Variants in GOLM1 observed in about 807,000 individuals in gnomAD.
GOLM1 encodes golgi membrane protein 1, also known as epididymis luminal protein 46.
GOLM1 carries 31 observed loss-of-function variants against 50.5 expected under a neutral mutation model. The ratio of observed to expected loss-of-function variants is 0.61; its 90% CI spans 0.46 to 0.83. The LOEUF (loss-of-function observed/expected upper bound fraction) is 0.83, where lower values mean the gene tolerates loss of function less well. Ranked by LOEUF, GOLM1 falls within the 40% of genes least tolerant of loss-of-function variation. The probability of loss-of-function intolerance (pLI) is 0.00; values close to 1 mark genes in which losing one functional copy is unlikely to be tolerated. For synonymous variants in GOLM1, 178 were observed against 192.8 expected (o/e 0.92, Z 0.64); for missense variants, 491 against 501.3 (o/e 0.98, Z 0.20).
chr9:86,056,265 C>A lies in GOLM1; in HGVS notation c.310-3674G>T, dbSNP rs73478715. Among the ~76,000 whole-genome samples, 1,034 of 152,164 alleles carry A rather than the reference C, an allele frequency of 6.8e-3. 12 individuals carry two copies. The highest frequency in any genetic ancestry group is 0.024 in the African/African-American group (995 of 41,532). ...TTCCAAAAAAATATATTTTTGTTAT[C>A]TTCCCCTATCTACTTACTTATGCAT... On this transcript the variant is annotated intron_variant, in intron 3 of 9. Transcript: ENST00000388712.
chr9:86,050,572 C>T (rs11141193), intron 4 of GOLM1, among the ~76,000 whole-genome samples: 25,862 of 152,038 alleles, frequency 0.17, 2,657 homozygotes, highest in African/African-American at 0.3. Flanking sequence ...GATTCAACTT[C>T]TTCCTGGTTT....
intron 6 of GOLM1, among the ~76,000 whole-genome samples, chr9:86,037,455 A>AG (rs1564341613): frequency 6.6e-6 from 1 of 151,912 alleles, no homozygotes; most frequent in African/African-American, 2.4e-5. Context: ...AAAAAAAAAA[A>AG]AAAGAAAATG....
chr9:86,035,112 C>T (rs1299266943), intron 8 of GOLM1: 2 of 985,230 alleles, frequency 2.0e-6, no homozygotes. Flanking sequence ...ATCTGCAGGC[C>T]ATCCACTTGC....
chr9:86,099,184 T>C (rs1272193624), intron 1 of GOLM1, among the ~76,000 whole-genome samples: 1 of 151,524 alleles, frequency 6.6e-6, no homozygotes, highest in East Asian at 2.0e-4. Flanking sequence ...CGCCCGGTCT[T>C]GGGGAGCGAG....
chr9:86,027,725 G>A lies in GOLM1; in HGVS notation c.*92C>T, dbSNP rs559782201. On this transcript the variant is annotated 3_prime_UTR_variant, in exon 10 of 10. Coordinates refer to ENST00000388712, the MANE Select transcript of GOLM1 (RefSeq NM_016548.4). ...CATCTTCAGATGTACATTTTATTTA[G>A]TACATTTCACAGTTTTCAGTATTCA... 2.6e-5 allele frequency: 39 copies of A among 1,498,750 alleles called. No homozygotes were observed. The highest frequency in any genetic ancestry group is 4.3e-5 in the African/African-American group (3 of 70,586). The allele number at this position is 1,498,750 out of a possible 1,614,324, so 92.8% of individuals were successfully genotyped here.
intron 1 of GOLM1, among the ~76,000 whole-genome samples, chr9:86,095,242 T>G (rs1315200988): frequency 6.6e-6 from 1 of 152,054 alleles, no homozygotes; most frequent in Admixed American, 6.5e-5. Context: ...TTTTTCTTTT[T>G]TTTTGAGACG....
chr9:86,095,655 G>C (rs1368821107), intron 1 of GOLM1, among the ~76,000 whole-genome samples: 1 of 152,166 alleles, frequency 6.6e-6, no homozygotes, highest in Non-Finnish European at 1.5e-5. Flanking sequence ...CTGCCTGGAA[G>C]ATTATGCGCG....
chr9:86,071,628 G>T (rs113279093), intron 3 of GOLM1, among the ~76,000 whole-genome samples: 1,610 of 151,756 alleles, frequency 0.011, 28 homozygotes, highest in African/African-American at 0.037. Context: ...AGCCGAGATC[G>T]TGCCACTGCA....
At chr9:86,045,533 G>T (rs1833508094) in intron 5 of GOLM1, among the ~76,000 whole-genome samples, 1 of 150,880 alleles carries the variant, frequency 6.6e-6, no homozygotes, top group Admixed American at 6.6e-5. Flanking sequence ...ACATTAGCTG[G>T]GTGTGGTGGT....
At chr9:86,094,008 A>G (rs1245014359) in intron 1 of GOLM1, among the ~76,000 whole-genome samples, 1 of 152,190 alleles carries the variant, frequency 6.6e-6, no homozygotes, top group Non-Finnish European at 1.5e-5. Context: ...CACTGCAATG[A>G]GCAAACAGAC....
At chr9:86,042,152 T>C (rs1027628341) in intron 5 of GOLM1, among the ~76,000 whole-genome samples, 2 of 152,230 alleles carry the variant, frequency 1.3e-5, no homozygotes, top group Non-Finnish European at 2.9e-5. Context: ...TGGAGGACAC[T>C]CGGTTGAATT....
intron 8 of GOLM1, 63 bp downstream of exon 8, chr9:86,035,305 T>C (rs1335796872): frequency 4.4e-6 from 7 of 1,581,584 alleles, no homozygotes; most frequent in Non-Finnish European, 6.0e-6. Context: ...GGGAAGGACA[T>C]GGAGGTGGGC....
intron 3 of GOLM1, among the ~76,000 whole-genome samples, chr9:86,060,889 AAAAAAAAAAAAAAAAAAAAAAAAAAG>A (rs1312433635): frequency 2.6e-5 from 2 of 75,682 alleles, no homozygotes; most frequent in African/African-American, 2.3e-4. Flanking sequence ...AAAAAAAAAA[AAAAAAAAAAAAAAAAAAAAAAAAAAG>A]AAGAAGAAGA....
chr9:86,088,420 G>A (rs1313322418), intron 1 of GOLM1, among the ~76,000 whole-genome samples: 3 of 86,300 alleles, frequency 3.5e-5, no homozygotes, highest in Admixed American at 1.2e-4. Flanking sequence ...TTTGAAGGGT[G>A]TATATATATA....
At chr9:86,038,238 G>A (rs1044812339) in intron 6 of GOLM1, among the ~76,000 whole-genome samples, 2 of 151,928 alleles carry the variant, frequency 1.3e-5, no homozygotes, top group Non-Finnish European at 2.9e-5. Context: ...ACCCCTAGGA[G>A]CTCAACCAGG....
At chr9:86,052,970 C>G (rs1194973063) in intron 3 of GOLM1, among the ~76,000 whole-genome samples, 2 of 151,524 alleles carry the variant, frequency 1.3e-5, no homozygotes, top group Non-Finnish European at 2.9e-5. Flanking sequence ...CACAGCACTC[C>G]ACACCAAACC....
Position 86,027,871 on chromosome 9 carries a change from T to C in GOLM1, c.1152A>G (p.Lys384=), listed in dbSNP as rs1832833800. Residue 384 remains lysine, a synonymous_variant, in exon 10 of 10, where the codon AAA becomes AAG. Coordinates refer to ENST00000388712, the MANE Select transcript of GOLM1 (RefSeq NM_016548.4). ...GATCAAGTAAATTTATGGTGTCTCT[T>C]TTCTGATCTTCAACATTAAAAACTA... ...NIDVFNVEDQ[K]RDTINLLDQR... 3.7e-6 allele frequency: 6 copies of C among 1,605,994 alleles called. No individual in the cohort carries two copies. Among genetic ancestry groups the C allele is most frequent in the Non-Finnish European group, 5.1e-6 (6 of 1,172,738 alleles).
chr9:86,039,116 A>C lies in GOLM1; in HGVS notation c.597+1623T>G, dbSNP rs183340776. ...TACAATTCAATAATAAAAATAACTC[A>C]ATTAAAAAATGAGCAAAGGACCCAA... On this transcript the variant is annotated intron_variant, in intron 6 of 9. Transcript: ENST00000388712. Among the ~76,000 whole-genome samples, 272 of 152,316 alleles carry C rather than the reference A, an allele frequency of 1.8e-3. 1 individual carries two copies. The highest frequency in any genetic ancestry group is 4.2e-3 in the African/African-American group (175 of 41,576).
intron 9 of GOLM1, among the ~76,000 whole-genome samples, chr9:86,030,200 A>G (rs891896327): frequency 4.1e-5 from 6 of 144,886 alleles, no homozygotes; most frequent in African/African-American, 1.6e-4. Flanking sequence ...CCTGGGCAAG[A>G]AGAGTGAGAC....
Sources: allele counts gnomAD v4.1 joint callset (sites outside exome capture counted in the v4.1 genomes callset), GRCh38; gene constraint gnomAD v4.1.1; transcripts MANE v1.5; gene names NCBI Gene and HGNC (gene_info 2026-07-23, HGNC 2026-07-21).